GRM8: variants seen among roughly 807,000 people sequenced by gnomAD.
GRM8 encodes metabotropic glutamate receptor 8.
GRM8 carries 47 observed loss-of-function variants against 87.2 expected under a neutral mutation model. That is an observed-to-expected ratio of 0.54 (90% CI 0.43 to 0.69). The LOEUF is 0.69. Among genes scored for constraint, GRM8 ranks in the 30% least tolerant of loss-of-function variants. The probability of loss-of-function intolerance (pLI) is 0.00; values close to 1 mark genes in which losing one functional copy is unlikely to be tolerated. For synonymous variants in GRM8, 396 were observed against 404.5 expected (o/e 0.98, Z 0.25); for missense variants, 1,019 against 1,139.2 (o/e 0.89, Z 1.52).
rs112798886 is a variant in GRM8 at position 126,485,794 on chromosome 7, G to GTTCC, written c.2431-39426_2431-39423dup. ...CCCCAGAGAAACCTTAAAGAACTGA[G>GTTCC]TTCCTGGCCAAGACAGAATGGGGAC... On this transcript the variant is annotated intron_variant, in intron 9 of 10. Transcript: ENST00000339582. Among the ~76,000 whole-genome samples the GTTCC allele has an allele frequency of 7.3e-3, 1,116 of 152,036 alleles. 12 individuals are homozygous for GTTCC. Among genetic ancestry groups the GTTCC allele is most frequent in the African/African-American group, 0.026 (1,071 of 41,492 alleles).
At chr7:126,866,437 T>G (rs1439941838) in intron 6 of GRM8, among the ~76,000 whole-genome samples, 2 of 152,094 alleles carry the variant, frequency 1.3e-5, no homozygotes, top group African/African-American at 4.8e-5. Context: ...ATTTATCTAT[T>G]TTTTCCTTTT....
intron 7 of GRM8, among the ~76,000 whole-genome samples, chr7:126,762,739 G>A (rs761731731): frequency 4.0e-5 from 6 of 151,708 alleles, no homozygotes; most frequent in Non-Finnish European, 5.9e-5. Flanking sequence ...AAGTGAAATT[G>A]TGATTTGTTT....
chr7:126,929,224 G>C lies in GRM8; in HGVS notation c.728-24541C>G, dbSNP rs533043615. ...AAAAATAAGATAGTCCAATGCCAAT[G>C]TGATTTAATTATTATGTTGCCCCAT... is the stretch of plus-strand genomic sequence containing the variant. On this transcript the variant is annotated intron_variant, in intron 3 of 10. Transcript: ENST00000339582. Among the ~76,000 whole-genome samples the C allele has an allele frequency of 7.6e-4, 115 of 152,286 alleles. 2 individuals are homozygous for C. Among genetic ancestry groups the C allele is most frequent in the African/African-American group, 2.6e-3 (107 of 41,558 alleles).
intron 2 of GRM8, among the ~76,000 whole-genome samples, chr7:127,159,120 G>T (rs1792929377): frequency 6.6e-6 from 1 of 152,186 alleles, no homozygotes; most frequent in Admixed American, 6.5e-5. Context: ...GGACCAGGCT[G>T]TGGAAAACAA....
chr7:126,914,560 G>A (rs757032581), intron 3 of GRM8, among the ~76,000 whole-genome samples: 16 of 152,222 alleles, frequency 1.1e-4, no homozygotes, highest in Non-Finnish European at 2.1e-4. Flanking sequence ...AAATGTGGTA[G>A]CTATACACTG....
At chr7:126,864,690 CTTGA>C (rs960391042) in intron 6 of GRM8, among the ~76,000 whole-genome samples, 1 of 151,976 alleles carries the variant, frequency 6.6e-6, no homozygotes, top group African/African-American at 2.4e-5. Context: ...TATTTCTAGA[CTTGA>C]TTATTTGCTG....
At chr7:127,144,176 G>T (rs1174754502) in intron 2 of GRM8, among the ~76,000 whole-genome samples, 3 of 152,154 alleles carry the variant, frequency 2.0e-5, no homozygotes, top group Admixed American at 1.3e-4. Flanking sequence ...CTACATATTT[G>T]TTATGCTTAT....
intron 7 of GRM8, among the ~76,000 whole-genome samples, chr7:126,691,344 G>T (rs1273287075): frequency 6.6e-6 from 1 of 152,192 alleles, no homozygotes; most frequent in Non-Finnish European, 1.5e-5. Context: ...ACCGGGAGTG[G>T]GGAGAGGCCA....
chr7:126,802,361 C>T (rs542976119), intron 6 of GRM8, among the ~76,000 whole-genome samples: 2 of 152,270 alleles, frequency 1.3e-5, no homozygotes, highest in South Asian at 2.1e-4. Flanking sequence ...CTGGTAATCA[C>T]TATTCTAACT....
At chr7:127,168,922 T>C (rs1278585869) in intron 2 of GRM8, among the ~76,000 whole-genome samples, 1 of 151,414 alleles carries the variant, frequency 6.6e-6, no homozygotes, top group East Asian at 2.0e-4. Context: ...GACGGGTTGA[T>C]GGGCGCAGCA....
chr7:127,122,860 G>A (rs751338066), intron 2 of GRM8, among the ~76,000 whole-genome samples: 15 of 152,092 alleles, frequency 9.9e-5, no homozygotes, highest in Non-Finnish European at 2.1e-4. Flanking sequence ...ACTGAGAAGA[G>A]TAGGGGGTAG....
chr7:126,646,331 G>C (rs1371320721), intron 7 of GRM8, among the ~76,000 whole-genome samples: 1 of 149,978 alleles, frequency 6.7e-6, no homozygotes, highest in African/African-American at 2.5e-5. Context: ...AGAAAGGAAG[G>C]AAGGAAGTTC....
intron 2 of GRM8, among the ~76,000 whole-genome samples, chr7:127,204,900 T>C (rs916137356): frequency 6.6e-5 from 10 of 152,174 alleles, no homozygotes; most frequent in Admixed American, 3.9e-4. Context: ...CTTCACCAAA[T>C]GTAGCTTATG....
chr7:126,662,871 T>C (rs1805353724), intron 7 of GRM8, among the ~76,000 whole-genome samples: 1 of 152,206 alleles, frequency 6.6e-6, no homozygotes, highest in Non-Finnish European at 1.5e-5. Context: ...TTATTTTCTG[T>C]AATAGAGGAC....
chr7:126,815,757 T>C (rs888730982), intron 6 of GRM8, among the ~76,000 whole-genome samples: 4 of 152,172 alleles, frequency 2.6e-5, no homozygotes, highest in Non-Finnish European at 5.9e-5. Context: ...ACTATTCTTC[T>C]TTTTGTCATA....
intron 3 of GRM8, among the ~76,000 whole-genome samples, chr7:126,956,837 C>A (rs892126466): frequency 5.9e-5 from 9 of 152,202 alleles, no homozygotes; most frequent in Non-Finnish European, 1.2e-4. Flanking sequence ...AAACTTTATT[C>A]TTTCAACTTA....
intron 7 of GRM8, chr7:126,701,926 G>A: frequency 2.5e-6 from 1 of 406,984 alleles, no homozygotes; most frequent in South Asian, 1.9e-5. Flanking sequence ...TTCTGTCTTA[G>A]TATAATTATT....
intron 3 of GRM8, among the ~76,000 whole-genome samples, chr7:126,935,872 G>A (rs17685651): frequency 7.9e-5 from 12 of 152,110 alleles, no homozygotes; most frequent in Non-Finnish European, 1.6e-4. Flanking sequence ...AATAAACCTT[G>A]TTCCTCAATA....
intron 2 of GRM8, among the ~76,000 whole-genome samples, chr7:127,193,868 G>A (rs1035765257): frequency 5.3e-5 from 8 of 152,058 alleles, no homozygotes; most frequent in Non-Finnish European, 7.4e-5. Context: ...CCAAGCATCA[G>A]AAAACAAAAA....
Sources: gnomAD v4.1 joint callset for allele counts (sites outside exome capture counted in the v4.1 genomes callset) on GRCh38, gnomAD v4.1.1 for gene constraint, MANE v1.5 for transcripts, NCBI Gene and HGNC (gene_info 2026-07-23, HGNC 2026-07-21) for gene names.